EFCAB14: variants seen among roughly 807,000 people sequenced by gnomAD.
The protein encoded by EFCAB14 is EF-hand calcium binding domain 14, also known as EF-hand calcium-binding domain-containing protein 14.
Under a neutral mutation model 56.5 loss-of-function variants are expected in EFCAB14, and 43 were observed. That is an observed-to-expected ratio of 0.76 (90% CI 0.60 to 0.98). The LOEUF is 0.98. Ranked by LOEUF, EFCAB14 falls within the 50% of genes least tolerant of loss-of-function variation. The pLI is 0.00. For missense variants in EFCAB14, 538 were observed against 580.3 expected (o/e 0.93, Z 0.75); for synonymous variants, 235 against 212.9 (o/e 1.10, Z -0.90).
Position 46,693,687 on chromosome 1 carries a change from AT to A in EFCAB14, c.580-1751del, listed in dbSNP as rs368195768. On this transcript the variant is annotated intron_variant, in intron 4 of 10. Coordinates refer to ENST00000371933, the MANE Select transcript of EFCAB14 (RefSeq NM_014774.3). ...GAAGATAGTAAGCTCTTGTTTAAGG[AT>A]TTTTTTTTTCTTTTCTTTTTTCCCC... Among the ~76,000 whole-genome samples the A allele has an allele frequency of 7.2e-3, 1,079 of 150,392 alleles. 12 individuals carry two copies. Among genetic ancestry groups the A allele is most frequent in the African/African-American group, 0.025 (1,021 of 40,992 alleles).
At chr1:46,714,429 TAAAAAAAAAAA>T (rs796203292) in intron 2 of EFCAB14, among the ~76,000 whole-genome samples, 3,080 of 107,904 alleles carry the variant, frequency 0.029, 94 homozygotes, top group African/African-American at 0.096. Flanking sequence ...TCAGTGTTGC[TAAAAAAAAAAA>T]AAAAAAAAAT....
Position 46,689,630 on chromosome 1 carries a change from G to A in EFCAB14, c.752C>T (p.Thr251Ile), listed in dbSNP as rs1381493175. 2 of 1,613,930 alleles carry A rather than the reference G, an allele frequency of 1.2e-6. No homozygotes were observed. Among genetic ancestry groups the A allele is most frequent in the Non-Finnish European group, 8.5e-7 (1 of 1,179,814 alleles). ...SNQIIPSPSA[T>I]SELDNKTHSE... Reference sequence around the variant, plus strand: ...GTGGGTTTTATTGTCAAGTTCTGATGTGGCTGAAGGTGACGGAATGATCTG... The same window carrying A: ...GTGGGTTTTATTGTCAAGTTCTGATATGGCTGAAGGTGACGGAATGATCTG... Residue 251 changes from threonine to isoleucine, a missense_variant, in exon 6 of 11, where the codon ACA becomes ATA. By Grantham distance (89) the Thr-to-Ile change is moderately conservative (BLOSUM62 -1). Coordinates refer to ENST00000371933, the MANE Select transcript of EFCAB14 (RefSeq NM_014774.3).
intron 4 of EFCAB14, among the ~76,000 whole-genome samples, chr1:46,693,592 C>T (rs1677032288): frequency 1.3e-5 from 2 of 152,178 alleles, no homozygotes; most frequent in Non-Finnish European, 2.9e-5. Flanking sequence ...AAGCTACAGG[C>T]ATTCAAAGAC....
At chr1:46,698,572 T>G (rs1677108780) in intron 3 of EFCAB14, among the ~76,000 whole-genome samples, 1 of 152,144 alleles carries the variant, frequency 6.6e-6, no homozygotes, top group Non-Finnish European at 1.5e-5. Flanking sequence ...GAGATCTGAA[T>G]AGTAAGAAAG....
At chr1:46,678,725 A>G in intron 10 of EFCAB14, 89 bp from the exon 11 acceptor site, 2 of 1,298,120 alleles carry the variant, frequency 1.5e-6, no homozygotes, top group Non-Finnish European at 2.1e-6. Flanking sequence ...TAAAACACTA[A>G]AAGAAAAGCT....
intron 3 of EFCAB14, among the ~76,000 whole-genome samples, chr1:46,702,578 A>G (rs1205473040): frequency 6.6e-6 from 1 of 152,242 alleles, no homozygotes; most frequent in Non-Finnish European, 1.5e-5. Flanking sequence ...CCTACTTCAT[A>G]GGACTGTAGA....
At position 46,716,355 on chromosome 1, in the gene EFCAB14, C is replaced by G; in HGVS notation, c.274G>C (p.Val92Leu). Residue 92 changes from valine (V) to leucine (L), a missense_variant, in exon 2 of 11, where the codon GTG becomes CTG. Coordinates refer to ENST00000371933, the MANE Select transcript of EFCAB14 (RefSeq NM_014774.3). ...TCCTTGAGAGCAACCTGCATCCACA[C>G]CAAGCCAACACAGGCCACAACACAG... Reference protein sequence around the residue: ...AACVVACVGLVWMQVALKEDL... With the variant: ...AACVVACVGLLWMQVALKEDL... 1 of 1,613,708 alleles carries G rather than the reference C, an allele frequency of 6.2e-7. No individual in the cohort carries two copies. Among genetic ancestry groups the G allele is most frequent in the Non-Finnish European group, 8.5e-7 (1 of 1,179,948 alleles).
At chr1:46,701,946 A>G (rs17102448) in intron 3 of EFCAB14, among the ~76,000 whole-genome samples, 1,815 of 152,354 alleles carry the variant, frequency 0.012, 33 homozygotes, top group African/African-American at 0.042. Context: ...CAAAGCTTAT[A>G]TATGTAACTA....
At chr1:46,699,496 A>G (rs1217388129) in intron 3 of EFCAB14, among the ~76,000 whole-genome samples, 1 of 152,228 alleles carries the variant, frequency 6.6e-6, no homozygotes, top group Non-Finnish European at 1.5e-5. Flanking sequence ...CGTGATACAA[A>G]GACTGGCATT....
Position 46,675,971 on chromosome 1 carries a change from C to G in EFCAB14, c.*2490G>C, listed in dbSNP as rs1676688312. ...TTAAAACCAAAACCAAAACCAAACT[C>G]ACTATCCAGTCTTCCTCTCAGAGAT... On this transcript the variant is annotated 3_prime_UTR_variant, in exon 11 of 11. Transcript: ENST00000371933. 6.6e-6 allele frequency: 1 copy of G among 152,218 alleles called. No homozygotes were observed. Among genetic ancestry groups the G allele is most frequent in the Admixed American group, 6.5e-5 (1 of 15,288 alleles). The allele number at this position is 152,218 out of a possible 1,614,324, so 9.4% of individuals were successfully genotyped here.
intron 2 of EFCAB14, among the ~76,000 whole-genome samples, chr1:46,714,075 A>G (rs1209674761): frequency 6.7e-6 from 1 of 150,228 alleles, no homozygotes; most frequent in African/African-American, 2.4e-5. Flanking sequence ...CAAAGTCAGT[A>G]TTTTTTTTTT....
intron 2 of EFCAB14, among the ~76,000 whole-genome samples, chr1:46,711,966 A>G (rs2148850860): frequency 6.6e-6 from 1 of 152,346 alleles, no homozygotes; most frequent in East Asian, 1.9e-4. Flanking sequence ...ATTACTATAC[A>G]GTGTGACCGA....
chr1:46,701,678 GCTGC>G (rs1298999431), intron 3 of EFCAB14, among the ~76,000 whole-genome samples: 9 of 152,200 alleles, frequency 5.9e-5, no homozygotes, highest in Admixed American at 5.9e-4. Flanking sequence ...GTGAGGTGCT[GCTGC>G]ACTTTTCTCT....
intron 9 of EFCAB14, among the ~76,000 whole-genome samples, chr1:46,683,690 A>T (rs1016369058): frequency 6.6e-6 from 1 of 152,204 alleles, no homozygotes; most frequent in Non-Finnish European, 1.5e-5. Context: ...CTAGCATTAA[A>T]CATGTTTAGA....
Position 46,688,254 on chromosome 1 carries a change from T to C in EFCAB14, c.987+99A>G, listed in dbSNP as rs1676920812. On this transcript the variant is annotated intron_variant, in intron 7 of 10. Coordinates refer to ENST00000371933, the MANE Select transcript of EFCAB14 (RefSeq NM_014774.3). ...TTAAGCACAACACAAATGTGTGGCCTCTCAAATATGCCAGAAGGCTGTTCT... is the reference window on the plus strand; with the variant it reads ...TTAAGCACAACACAAATGTGTGGCCCCTCAAATATGCCAGAAGGCTGTTCT... 3.4e-6 allele frequency: 4 copies of C among 1,177,116 alleles called. No homozygotes were observed. In the South Asian group the frequency reaches 5.7e-5, roughly 17 times the overall value. 72.9% of individuals were successfully genotyped at this position (1,177,116 alleles called of 1,614,324 possible). A position where few individuals can be genotyped will look rare whatever the true frequency, so the allele number is the denominator to read the frequency against.
At chr1:46,685,939 TA>T (rs1676874017) in intron 8 of EFCAB14, among the ~76,000 whole-genome samples, 1 of 152,218 alleles carries the variant, frequency 6.6e-6, no homozygotes, top group South Asian at 2.1e-4. Flanking sequence ...ATAAAACTAT[TA>T]AGGTAGGAAA....
In EFCAB14 at chr1:46,678,622, A is replaced by C. The variant is rs1487631391; in HGVS notation, c.1327T>G (p.Phe443Val). Reference protein sequence around the residue: ...VSSTEDLQDLFRKTGQDVDGK... With the variant: ...VSSTEDLQDLVRKTGQDVDGK... ...TCCACGTCCTGGCCAGTCTTGCGGAATAAATCCTGAAGATCTGTCAAAAAT... is the reference window on the plus strand; with the variant it reads ...TCCACGTCCTGGCCAGTCTTGCGGACTAAATCCTGAAGATCTGTCAAAAAT... Residue 443 changes from phenylalanine to valine, a missense_variant, in exon 11 of 11, where the codon TTC becomes GTC. By Grantham distance (50) the Phe-to-Val change is conservative. Coordinates refer to ENST00000371933, the MANE Select transcript of EFCAB14 (RefSeq NM_014774.3). 1 of 1,611,684 alleles carries C rather than the reference A, an allele frequency of 6.2e-7. No individual in the cohort carries two copies. The highest frequency in any genetic ancestry group is 2.2e-5 in the East Asian group (1 of 44,826).
At chr1:46,714,746 G>C (rs566371530) in intron 2 of EFCAB14, among the ~76,000 whole-genome samples, 2 of 150,198 alleles carry the variant, frequency 1.3e-5, no homozygotes, top group African/African-American at 4.9e-5. Context: ...AGGCTGCAAC[G>C]AGCCAGATGC....
chr1:46,691,905 G>A lies in EFCAB14; in HGVS notation c.612C>T (p.Ser204=), dbSNP rs145211355. Residue 204 remains serine, a synonymous_variant, in exon 5 of 11, where the codon AGC becomes AGT. Coordinates refer to ENST00000371933, the MANE Select transcript of EFCAB14 (RefSeq NM_014774.3). Reference sequence around the variant, plus strand: ...GTAGTGCTTCCACAGCAAGATGGACGCTGTTTAAAGTATTGCCAATGGAAG... The same window carrying A: ...GTAGTGCTTCCACAGCAAGATGGACACTGTTTAAAGTATTGCCAATGGAAG... ...SVASIGNTLN[S]VHLAVEALQK... 1.2e-4 allele frequency: 196 copies of A among 1,613,328 alleles called. 1 individual carries two copies. The African/African-American group carries it at 2.1e-3, about 18-fold the overall frequency.
Sources: allele counts gnomAD v4.1 joint callset (sites outside exome capture counted in the v4.1 genomes callset), GRCh38; gene constraint gnomAD v4.1.1; transcripts MANE v1.5; gene names NCBI Gene and HGNC (gene_info 2026-07-23, HGNC 2026-07-21).